Variants in CACNA1C observed in about 807,000 individuals in gnomAD.
CACNA1C encodes the protein voltage-dependent L-type calcium channel subunit alpha-1C.
Under a neutral mutation model 229.0 loss-of-function variants are expected in CACNA1C, and 30 were observed. That is an observed-to-expected ratio of 0.13 (90% CI 0.10 to 0.18). The LOEUF (loss-of-function observed/expected upper bound fraction) is 0.18, where lower values mean the gene tolerates loss of function less well. Ranked by LOEUF, CACNA1C falls within the 10% of genes least tolerant of loss-of-function variation. The probability of loss-of-function intolerance (pLI) is 1.00; values close to 1 mark genes in which losing one functional copy is unlikely to be tolerated. For synonymous variants in CACNA1C, 1,114 were observed against 1,132.5 expected, an observed-to-expected ratio of 0.98 and a Z score of 0.33; for missense variants, 1,658 against 2,845.0, an observed-to-expected ratio of 0.58 and a Z score of 9.49.
In CACNA1C at chr12:2,348,173, G is replaced by T. The variant is rs1002082146; in HGVS notation, c.478-100803G>T. Among the ~76,000 whole-genome samples, 1 of 152,170 alleles carries T rather than the reference G, an allele frequency of 6.6e-6. No homozygotes were observed. The highest frequency in any genetic ancestry group is 2.4e-5 in the African/African-American group (1 of 41,450). On this transcript the variant is annotated intron_variant, in intron 3 of 46. Transcript: ENST00000399655. The surrounding 1 kb of genome is among the most constrained non-coding windows in gnomAD (Gnocchi z 4.7). Reference sequence around the variant, plus strand: ...CGTGGGGCTAGCTGCCAGTGGGATGGCCCCAGCCGGAGGAGCTGGGCAGTG... The same window carrying T: ...CGTGGGGCTAGCTGCCAGTGGGATGTCCCCAGCCGGAGGAGCTGGGCAGTG...
Position 1,979,293 on chromosome 12 carries a change from C to T in CACNA1C, c.139+8092C>T, listed in dbSNP as rs1436024082. Among the ~76,000 whole-genome samples, 5 of 151,524 alleles carry T rather than the reference C, an allele frequency of 3.3e-5. No individual in the cohort carries two copies. The East Asian group carries it at 9.7e-4, about 29-fold the overall frequency. On this transcript the variant is annotated intron_variant, in intron 1 of 46. Coordinates refer to the CACNA1C transcript ENST00000682462. The stretch of plus-strand genomic sequence containing the variant: ...CCTCCCAAAGTGTTGGGATTACAAG[C>T]GTGAGCCACAGCGCCTGGATTTTTT...
At chr12:2,655,054 C>G (rs1603373644) in intron 33 of CACNA1C, 93 bp from the exon 34 acceptor site, 1 of 789,658 alleles carries the variant, frequency 1.3e-6, no homozygotes, top group Admixed American at 2.0e-5. Flanking sequence ...CCAGGGACAC[C>G]TGAGACCCCT....
At chr12:2,376,392 C>T (rs2098068312) in intron 3 of CACNA1C, among the ~76,000 whole-genome samples, 1 of 152,080 alleles carries the variant, frequency 6.6e-6, no homozygotes, top group Non-Finnish European at 1.5e-5. Context: ...AGTACCTGTG[C>T]TTGAGGAGGG....
chr12:2,294,507 G>A (rs2093829073), intron 3 of CACNA1C, among the ~76,000 whole-genome samples: 1 of 152,008 alleles, frequency 6.6e-6, no homozygotes, highest in African/African-American at 2.4e-5. Flanking sequence ...AGAGTGAGGG[G>A]CGGGGGAGGC....
intron 1 of CACNA1C, chr12:1,993,271 A>G (rs1322615731): frequency 3.1e-6 from 5 of 1,614,162 alleles, no homozygotes; most frequent in African/African-American, 1.3e-5. Context: ...CACATCTGGC[A>G]TTTCTGTAGA....
intron 1 of CACNA1C, among the ~76,000 whole-genome samples, chr12:1,983,904 G>A (rs547080158): frequency 6.6e-6 from 1 of 151,646 alleles, no homozygotes; most frequent in Admixed American, 6.6e-5. Context: ...ACACTTTGAA[G>A]CTCTGTATTT....
intron 9 of CACNA1C, among the ~76,000 whole-genome samples, chr12:2,518,955 A>G (rs949074959): frequency 2.0e-5 from 3 of 152,198 alleles, no homozygotes; most frequent in African/African-American, 7.2e-5. Flanking sequence ...ACTGGAGCCC[A>G]AGGTGGGAAA....
intron 7 of CACNA1C, among the ~76,000 whole-genome samples, chr12:2,496,510 G>A (rs1054059836): frequency 3.9e-5 from 6 of 152,242 alleles, no homozygotes; most frequent in Non-Finnish European, 7.3e-5. Flanking sequence ...GCCTGAGATA[G>A]AAGGGATCAG....
At chr12:2,057,137 C>T (rs74729633) in intron 1 of CACNA1C, among the ~76,000 whole-genome samples, 1,682 of 152,308 alleles carry the variant, frequency 0.011, 26 homozygotes, top group African/African-American at 0.038. Flanking sequence ...TGGCAATGAC[C>T]TAGGTCTCTT....
intron 1 of CACNA1C, among the ~76,000 whole-genome samples, chr12:2,075,729 C>T (rs985918902): frequency 6.6e-6 from 1 of 152,210 alleles, no homozygotes; most frequent in Non-Finnish European, 1.5e-5. Context: ...TGGACTTGTC[C>T]TTGTCCCAAC....
chr12:2,542,078 A>G (rs2099871931), intron 9 of CACNA1C, among the ~76,000 whole-genome samples: 1 of 152,178 alleles, frequency 6.6e-6, no homozygotes, highest in African/African-American at 2.4e-5. Context: ...AGCAGCGGGC[A>G]CCAAAGAGGA....
intron 1 of CACNA1C, among the ~76,000 whole-genome samples, chr12:2,090,310 CT>C (rs145675982): frequency 0.016 from 1,126 of 69,118 alleles, 4 homozygotes; most frequent in African/African-American, 0.058. Context: ...GGATAGACTA[CT>C]TTTTTTTTTT....
intron 1 of CACNA1C, among the ~76,000 whole-genome samples, chr12:2,107,004 C>T (rs1297466101): frequency 9.1e-6 from 1 of 110,302 alleles, no homozygotes; most frequent in African/African-American, 3.2e-5. Context: ...TGTCCTGAAG[C>T]CACTGGGTGC....
At chr12:2,028,255 C>T (rs532835688) in intron 1 of CACNA1C, among the ~76,000 whole-genome samples, 11 of 152,254 alleles carry the variant, frequency 7.2e-5, no homozygotes, top group East Asian at 1.9e-4. Flanking sequence ...GCATGGAGAG[C>T]GGGTCTGCAT....
At chr12:2,004,576 T>A in intron 1 of CACNA1C, 2 of 1,214,072 alleles carry the variant, frequency 1.6e-6, no homozygotes, top group Non-Finnish European at 2.2e-6. Context: ...CCCACCCTCC[T>A]GCCCGCCGAC....
At position 2,665,054 on chromosome 12, in the gene CACNA1C, C is replaced by A; in HGVS notation, c.4398+64C>A. On this transcript the variant is annotated intron_variant, in intron 35 of 46. Transcript: ENST00000399655. The surrounding 1 kb of genome is among the most constrained non-coding windows in gnomAD (Gnocchi z 5.9). ...TGCCCAGTTCCAGGGCAGTCTGAAC[C>A]GTCCATCTCTGCAGCTCATGGTCAG... is the stretch of plus-strand genomic sequence containing the variant. 1 of 1,552,278 alleles carries A rather than the reference C, an allele frequency of 6.4e-7. No individual in the cohort carries two copies. Among genetic ancestry groups the A allele is most frequent in the South Asian group, 1.1e-5 (1 of 89,144 alleles).
chr12:2,638,851 T>G (rs990223806), intron 30 of CACNA1C, among the ~76,000 whole-genome samples: 3 of 152,156 alleles, frequency 2.0e-5, no homozygotes, highest in Non-Finnish European at 4.4e-5. Flanking sequence ...AGCACAGTTT[T>G]GACGTATCTG....
chr12:2,282,192 T>C (rs2091478858), intron 3 of CACNA1C, among the ~76,000 whole-genome samples: 1 of 152,180 alleles, frequency 6.6e-6, no homozygotes, highest in South Asian at 2.1e-4. Flanking sequence ...TTGGAGATTC[T>C]GGAGGGAGGG....
Position 2,666,599 on chromosome 12 carries a change from C to G in CACNA1C, c.4527-87C>G. On this transcript the variant is annotated intron_variant, in intron 36 of 46. Transcript: ENST00000399655. This position sits in a 1 kb window ranked among gnomAD's most constrained non-coding sequence, Gnocchi z 5.3. The stretch of plus-strand genomic sequence containing the variant: ...GTGCAGTGTTGCCCATATGAGTGGG[C>G]CCTACCCCTCAGGCGCATGCGTCCT... The G allele has an allele frequency of 2.6e-6, 2 of 762,092 alleles. No individual in the cohort carries two copies. The highest frequency in any genetic ancestry group is 1.7e-5 in the African/African-American group (1 of 58,184). 47.2% of individuals were successfully genotyped at this position (762,092 alleles called of 1,614,324 possible).
Sources: allele counts gnomAD v4.1 joint callset (sites outside exome capture counted in the v4.1 genomes callset), GRCh38; gene constraint gnomAD v4.1.1; non-coding constraint Gnocchi (gnomAD v3.1); transcripts MANE v1.5; gene names NCBI Gene and HGNC (gene_info 2026-07-23, HGNC 2026-07-21).